The following TENM3 variants were observed in gnomAD, a reference collection of about 807,000 sequenced individuals.
TENM3 encodes teneurin transmembrane protein 3, also known as teneurin-3.
Under a neutral mutation model 255.1 loss-of-function variants are expected in TENM3, and 63 were observed. That is an observed-to-expected ratio of 0.25 (90% CI 0.20 to 0.30). TENM3 has a LOEUF of 0.30. TENM3 is among the 10% of genes least tolerant of loss of function. The pLI is 1.00. For synonymous variants in TENM3, 1,306 were observed against 1,322.3 expected, an observed-to-expected ratio of 0.99 and a Z score of 0.27; for missense variants, 2,929 against 3,461.1, an observed-to-expected ratio of 0.85 and a Z score of 3.86.
At chr4:181,816,275 C>T in the TENM3 span, among the ~76,000 whole-genome samples, 2 of 152,236 alleles carry the variant, frequency 1.3e-5, no homozygotes, top group East Asian at 3.9e-4. Context: ...CCCTCACAGA[C>T]AAACCAACAA....
intron 3 of TENM3, among the ~76,000 whole-genome samples, chr4:182,599,045 TTC>T (rs1446016965): frequency 6.6e-6 from 1 of 152,208 alleles, no homozygotes; most frequent in African/African-American, 2.4e-5. Context: ...TTTCTCCCTG[TTC>T]TCTCTTTGTT....
the TENM3 span, among the ~76,000 whole-genome samples, chr4:182,039,212 T>G: frequency 6.6e-6 from 1 of 152,242 alleles, no homozygotes; most frequent in African/African-American, 2.4e-5. Flanking sequence ...GTTTGAATCC[T>G]GTTTTCTTGG....
chr4:181,990,577 G>T, the TENM3 span, among the ~76,000 whole-genome samples: 1 of 151,990 alleles, frequency 6.6e-6, no homozygotes, highest in African/African-American at 2.4e-5. Flanking sequence ...GTGATATGGA[G>T]CCCCTCTAAA....
chr4:181,691,043 TA>T, the TENM3 span, among the ~76,000 whole-genome samples: 1 of 152,214 alleles, frequency 6.6e-6, no homozygotes, highest in Admixed American at 6.5e-5. Context: ...TATGCTATTT[TA>T]GGCTTCCAAG....
rs186652351 is a variant in TENM3, at chr4:182,726,443, C to A, written c.2369-2522C>A. Among the ~76,000 whole-genome samples, 138 of 152,280 alleles carry A rather than the reference C, an allele frequency of 9.1e-4. 1 individual carries two copies. The highest frequency in any genetic ancestry group is 3.1e-4 in the Non-Finnish European group (21 of 68,020). ...CCGCTTGCCTGGGGATGGCTCCATT[C>A]CCAGCAGCTTCTATACCGGCAGCAA... On this transcript the variant is annotated intron_variant, in intron 13 of 27. Transcript: ENST00000511685.
chr4:181,592,250 A>AACAGAAACACACAC, the TENM3 span, among the ~76,000 whole-genome samples: 140 of 126,832 alleles, frequency 1.1e-3, no homozygotes, highest in Middle Eastern at 8.3e-3. Flanking sequence ...AAGCTGTTTA[A>AACAGAAACACACAC]ACACAAACAC....
chr4:181,782,818 G>C, the TENM3 span, among the ~76,000 whole-genome samples: 4 of 152,130 alleles, frequency 2.6e-5, no homozygotes, highest in Admixed American at 1.3e-4. Flanking sequence ...CTGGTGTGTT[G>C]TGTCTTTGTT....
At chr4:181,898,285 C>T in the TENM3 span, among the ~76,000 whole-genome samples, 1 of 151,770 alleles carries the variant, frequency 6.6e-6, no homozygotes, top group East Asian at 1.9e-4. Context: ...CACACACACA[C>T]CTTTGTGATA....
At chr4:182,016,574 A>G in the TENM3 span, among the ~76,000 whole-genome samples, 2 of 152,200 alleles carry the variant, frequency 1.3e-5, no homozygotes, top group Non-Finnish European at 2.9e-5. Flanking sequence ...AGTTGTAAAT[A>G]GAAGGTCTGA....
At chr4:181,933,538 A>G in the TENM3 span, among the ~76,000 whole-genome samples, 1 of 152,206 alleles carries the variant, frequency 6.6e-6, no homozygotes, top group African/African-American at 2.4e-5. Context: ...CAGAGACGTA[A>G]CCAAAGAGGC....
rs142725724 is a variant in TENM3 at position 182,793,176 on chromosome 4, G to A, written c.6504G>A (p.Ala2168=). 1.1e-4 allele frequency: 174 copies of A among 1,613,978 alleles called. No homozygotes were observed. The East Asian group carries it at 1.9e-3, about 18-fold the overall frequency. Residue 2168 remains alanine, a synonymous_variant, in exon 26 of 28, where the codon GCG becomes GCA. Transcript: ENST00000511685. This position sits in a 1 kb window ranked among gnomAD's most constrained non-coding sequence, Gnocchi z 5.7. ...ATTTACTGAACCCAAGTAACAGTGC[G>A]CGTCTGACACCCCTTCGCTATGACC... ...NLHLLNPSNS[A]RLTPLRYDLR...
At chr4:181,900,495 G>A in the TENM3 span, among the ~76,000 whole-genome samples, 1 of 152,042 alleles carries the variant, frequency 6.6e-6, no homozygotes, top group Admixed American at 6.6e-5. Context: ...TTTGTTGTTT[G>A]TTTCCCATTT....
chr4:181,613,573 C>A, the TENM3 span, among the ~76,000 whole-genome samples: 2 of 152,176 alleles, frequency 1.3e-5, no homozygotes, highest in African/African-American at 4.8e-5. Flanking sequence ...GGTGTAAGCC[C>A]AGCTATGCCG....
chr4:182,702,886 A>G (rs1008104310), intron 12 of TENM3, among the ~76,000 whole-genome samples: 12 of 150,314 alleles, frequency 8.0e-5, no homozygotes, highest in African/African-American at 2.2e-4. Context: ...ACAGGCGCCC[A>G]CCACCATGCC....
At chr4:182,698,839 C>T (rs1757633202) in intron 12 of TENM3, among the ~76,000 whole-genome samples, 1 of 152,182 alleles carries the variant, frequency 6.6e-6, no homozygotes, top group South Asian at 2.1e-4. Flanking sequence ...ATTTCTAGGA[C>T]AGGTGTGTTG....
At chr4:181,987,864 G>A in the TENM3 span, among the ~76,000 whole-genome samples, 497 of 152,054 alleles carry the variant, frequency 3.3e-3, 8 homozygotes, top group Middle Eastern at 3.4e-3. Flanking sequence ...TTGAGCTCAC[G>A]GGGTAAGGCA....
chr4:181,784,269 T>A, the TENM3 span, among the ~76,000 whole-genome samples: 11 of 152,024 alleles, frequency 7.2e-5, no homozygotes, highest in Non-Finnish European at 1.6e-4. Context: ...TTGAATCACA[T>A]ATGAGTGACA....
the TENM3 span, among the ~76,000 whole-genome samples, chr4:181,465,212 A>T: frequency 1.3e-5 from 2 of 152,020 alleles, no homozygotes; most frequent in African/African-American, 4.8e-5. Flanking sequence ...CTTTTTTAAA[A>T]CTTAGTTTCC....
At chr4:181,625,248 G>A in the TENM3 span, among the ~76,000 whole-genome samples, 8 of 152,278 alleles carry the variant, frequency 5.3e-5, no homozygotes, top group East Asian at 9.7e-4. Flanking sequence ...TTTGGGGTCC[G>A]CCTTGAGAAT....
Sources: gnomAD v4.1 joint callset for allele counts (sites outside exome capture counted in the v4.1 genomes callset) on GRCh38, gnomAD v4.1.1 for gene constraint, Gnocchi (gnomAD v3.1) non-coding constraint, MANE v1.5 for transcripts, NCBI Gene and HGNC (gene_info 2026-07-23, HGNC 2026-07-21) for gene names.